The following MALT1 variants were observed in gnomAD, a reference collection of about 807,000 sequenced individuals.
MALT1 encodes MALT1 paracaspase.
Under a neutral mutation model 85.5 loss-of-function variants are expected in MALT1, and 36 were observed. The observed-to-expected ratio is 0.42, with a 90% confidence interval of 0.32 to 0.56. The LOEUF (loss-of-function observed/expected upper bound fraction) is 0.56. Ranked by LOEUF, MALT1 falls within the 20% of genes least tolerant of loss-of-function variation. The pLI is 0.10. For synonymous variants in MALT1, 359 were observed against 361.3 expected, an observed-to-expected ratio of 0.99 and a Z score of 0.07; for missense variants, 716 against 981.6, an observed-to-expected ratio of 0.73 and a Z score of 3.62.
chr18:58,685,069 T>A (rs775738513), intron 2 of MALT1, among the ~76,000 whole-genome samples: 32 of 151,878 alleles, frequency 2.1e-4, no homozygotes, highest in East Asian at 1.2e-3. Flanking sequence ...TTGTAAAAAA[T>A]ATATATATAT....
chr18:58,734,996 C>T (rs1602336025), intron 12 of MALT1, among the ~76,000 whole-genome samples: 3 of 152,160 alleles, frequency 2.0e-5, no homozygotes, highest in African/African-American at 7.2e-5. Context: ...CACATATCAC[C>T]TCAAATACTT....
At chr18:58,720,357 T>A (rs2054966520) in intron 9 of MALT1, among the ~76,000 whole-genome samples, 1 of 152,218 alleles carries the variant, frequency 6.6e-6, no homozygotes, top group Non-Finnish European at 1.5e-5. Flanking sequence ...TTCTACTACT[T>A]CTCGATCTTC....
intron 4 of MALT1, among the ~76,000 whole-genome samples, chr18:58,702,892 T>C (rs1010479747): frequency 2.0e-5 from 3 of 152,220 alleles, no homozygotes; most frequent in African/African-American, 7.2e-5. Flanking sequence ...TTGTCAGATA[T>C]TATTTTGTTT....
chr18:58,707,825 G>T (rs1602308329), intron 4 of MALT1, among the ~76,000 whole-genome samples: 1 of 152,286 alleles, frequency 6.6e-6, no homozygotes, highest in East Asian at 1.9e-4. Flanking sequence ...TGCTTTAGAT[G>T]TATTCAGTTT....
intron 4 of MALT1, 34 bp downstream of exon 4, chr18:58,700,625 G>A: frequency 1.3e-6 from 2 of 1,536,008 alleles, no homozygotes; most frequent in African/African-American, 1.4e-5. Context: ...GTTGGGATGG[G>A]GATTCCCCAT....
chr18:58,735,368 G>C (rs372428327), intron 13 of MALT1, 39 bp downstream of exon 13: 1 of 1,563,328 alleles, frequency 6.4e-7, no homozygotes, highest in African/African-American at 1.4e-5. Flanking sequence ...TCAGAAAAAG[G>C]AGAGCAGGGG....
chr18:58,688,314 ACACACACACACACG>A (rs1253235221), intron 2 of MALT1, among the ~76,000 whole-genome samples: 5 of 140,596 alleles, frequency 3.6e-5, no homozygotes, highest in African/African-American at 1.0e-4. Context: ...ACACACACAC[ACACACACACACACG>A]CTTATTAATA....
chr18:58,701,133 A>C lies in MALT1; in HGVS notation c.649+542A>C, dbSNP rs140064284. ...TCTGTGTGTGTGCGCGCACGTTCAC[A>C]CATGCACACACACATATATGTGTGT... is the stretch of plus-strand genomic sequence containing the variant. On this transcript the variant is annotated intron_variant, in intron 4 of 16. Transcript: ENST00000649217. 3.4e-3 allele frequency among the ~76,000 whole-genome samples: 434 copies of C among 126,700 alleles called. 1 individual carries two copies. The highest frequency in any genetic ancestry group is 9.4e-3 in the African/African-American group (386 of 40,888). The allele number at this position is 126,700 out of a possible 152,430, so 83.1% of individuals were successfully genotyped here. A position where few individuals can be genotyped will look rare whatever the true frequency, so the allele number is the denominator to read the frequency against.
At chr18:58,696,288 A>G in intron 2 of MALT1, 78 bp from the exon 3 acceptor site, 6 of 1,155,492 alleles carry the variant, frequency 5.2e-6, no homozygotes, top group Non-Finnish European at 6.8e-6. Context: ...AAATGTTTCA[A>G]TTTTTGGTTT....
chr18:58,701,496 G>T (rs960332553), intron 4 of MALT1, among the ~76,000 whole-genome samples: 12 of 152,170 alleles, frequency 7.9e-5, no homozygotes, highest in African/African-American at 2.9e-4. Context: ...TTTGCTAGCT[G>T]TCTGAGCAGT....
intron 3 of MALT1, among the ~76,000 whole-genome samples, chr18:58,697,779 G>C (rs751500155): frequency 6.6e-6 from 1 of 152,174 alleles, no homozygotes; most frequent in East Asian, 1.9e-4. Context: ...CATGATCATA[G>C]GAGTATTGTA....
Position 58,733,437 on chromosome 18 carries a change from G to C in MALT1, c.1263G>C (p.Gly421=). The C allele has an allele frequency of 6.2e-7, 1 of 1,612,700 alleles. No individual in the cohort carries two copies. The change falls in exon 11 of 17, where the codon GGG becomes GGC. Residue 421 remains glycine (G), a synonymous_variant. Coordinates refer to ENST00000649217, the MANE Select transcript of MALT1 (RefSeq NM_006785.4). The part of the protein sequence containing the change: ...YYAGHGYENF[G]NSFMVPVDAP... ...CAGGACATGGTTATGAAAATTTTGG[G>C]AACAGCTTCATGGTCCCCGTTGATG...
intron 7 of MALT1, among the ~76,000 whole-genome samples, chr18:58,712,512 A>G (rs1212456073): frequency 6.6e-6 from 1 of 152,120 alleles, no homozygotes; most frequent in East Asian, 1.9e-4. Context: ...GATCTCATGG[A>G]GGTAGAGAGT....
Position 58,744,441 on chromosome 18 carries a change from T to C in MALT1, c.1857T>C (p.Val619=). 6.2e-7 allele frequency: 1 copy of C among 1,608,660 alleles called. No individual in the cohort carries two copies. Among genetic ancestry groups the C allele is most frequent in the Non-Finnish European group, 8.5e-7 (1 of 1,176,650 alleles). ...SNVMIIYTSI[V]YKPPEIIMCD... ...TCATGATCATCTATACAAGTATAGTTTACAAACCACCGGAGATAATAATGT... is the reference window on the plus strand; with the variant it reads ...TCATGATCATCTATACAAGTATAGTCTACAAACCACCGGAGATAATAATGT... The change falls in exon 15 of 17, where the codon GTT becomes GTC. Residue 619 remains valine (V), a synonymous_variant. Transcript: ENST00000649217.
intron 10 of MALT1, among the ~76,000 whole-genome samples, chr18:58,730,388 T>C (rs1359290139): frequency 6.6e-6 from 1 of 152,226 alleles, no homozygotes; most frequent in Non-Finnish European, 1.5e-5. Context: ...GGACATTTCA[T>C]ATAAATGGAA....
intron 1 of MALT1, 51 bp from the exon 2 acceptor site, chr18:58,681,119 T>C: frequency 6.4e-7 from 1 of 1,555,682 alleles, no homozygotes; most frequent in South Asian, 1.2e-5. Context: ...ATATAGCAGG[T>C]GTATCATGTG....
chr18:58,692,892 T>C (rs541027776), intron 2 of MALT1, among the ~76,000 whole-genome samples: 93 of 152,292 alleles, frequency 6.1e-4, no homozygotes, highest in African/African-American at 2.2e-3. Flanking sequence ...GAGAAAGTTA[T>C]AGTAGTCTGG....
In MALT1 at chr18:58,744,439, GT is replaced by G. The variant is rs1270549800; in HGVS notation, c.1858del (p.Tyr620ThrfsTer6). ...TGTCATGATCATCTATACAAGTATAGTTTACAAACCACCGGAGATAATAATG... is the reference window on the plus strand; with the variant it reads ...TGTCATGATCATCTATACAAGTATAGTTACAAACCACCGGAGATAATAATG... ...SNVMIIYTSI[V>X]YKPPEIIMCD... On this transcript the variant is annotated frameshift_variant, in exon 15 of 17. Coordinates refer to ENST00000649217, the MANE Select transcript of MALT1 (RefSeq NM_006785.4). LOFTEE classifies it high-confidence loss of function. The G allele has an allele frequency of 6.2e-7, 1 of 1,608,264 alleles. No individual in the cohort carries two copies. The highest frequency in any genetic ancestry group is 1.7e-5 in the Admixed American group (1 of 59,470).
chr18:58,702,308 C>T (rs565534803), intron 4 of MALT1, among the ~76,000 whole-genome samples: 15 of 151,738 alleles, frequency 9.9e-5, no homozygotes, highest in African/African-American at 3.1e-4. Flanking sequence ...CACTCAAGCC[C>T]GGGAGGCGGA....
Sources: allele counts gnomAD v4.1 joint callset (sites outside exome capture counted in the v4.1 genomes callset), GRCh38; gene constraint gnomAD v4.1.1; transcripts MANE v1.5; gene names NCBI Gene and HGNC (gene_info 2026-07-23, HGNC 2026-07-21).